The following ICA1 variants were observed in gnomAD, a reference collection of about 807,000 sequenced individuals.
ICA1 encodes the protein 69 kDa islet cell autoantigen.
In ICA1, 40 loss-of-function variants were observed where a neutral mutation model predicts 71.0. That is an observed-to-expected ratio of 0.56 (90% CI 0.44 to 0.73). ICA1 has a LOEUF of 0.73. Among genes scored for constraint, ICA1 ranks in the 30% least tolerant of loss-of-function variants. The pLI is 0.00. For missense variants in ICA1, 578 were observed against 576.5 expected, an observed-to-expected ratio of 1.00 and a Z score of -0.03; for synonymous variants, 207 against 209.5, an observed-to-expected ratio of 0.99 and a Z score of 0.10.
At chr7:8,141,649 T>C (rs6972883) in intron 10 of ICA1, 116 bp downstream of exon 10, 15,950 of 639,926 alleles carry the variant, frequency 0.025, 970 homozygotes, top group African/African-American at 0.19. Context: ...AATTAGCCTT[T>C]TCTCAGTTGA....
chr7:8,137,194 T>C (rs1793725719), intron 12 of ICA1, among the ~76,000 whole-genome samples: 1 of 152,138 alleles, frequency 6.6e-6, no homozygotes, highest in Non-Finnish European at 1.5e-5. Context: ...TGAGGATTCT[T>C]TTACTGTGTA....
chr7:8,224,371 C>T (rs1242527053), intron 4 of ICA1, among the ~76,000 whole-genome samples: 1 of 151,670 alleles, frequency 6.6e-6, no homozygotes, highest in Non-Finnish European at 1.5e-5. Flanking sequence ...CAGATCACGT[C>T]CTATGTATAA....
rs192973168 is a variant in ICA1 at position 8,190,734 on chromosome 7, T to G, written c.579+27571A>C. 2.7e-4 allele frequency among the ~76,000 whole-genome samples: 41 copies of G among 152,328 alleles called. No homozygotes were observed. The East Asian group carries it at 7.7e-3, about 29-fold the overall frequency. On this transcript the variant is annotated intron_variant, in intron 6 of 13. Coordinates refer to ENST00000402384, the MANE Select transcript of ICA1 (RefSeq NM_001136020.3). ...GTTTTTAGCCACCATAAGTTTGTCA[T>G]TAGAATGGAGGTTTTTGGATCAACA...
chr7:8,230,773 C>T (rs1800027556), intron 3 of ICA1, among the ~76,000 whole-genome samples: 2 of 152,162 alleles, frequency 1.3e-5, no homozygotes, highest in Admixed American at 1.3e-4. Context: ...TTCTACTTTC[C>T]TCCATTGCAG....
chr7:8,156,027 T>C (rs549919329), intron 8 of ICA1, among the ~76,000 whole-genome samples: 135 of 152,160 alleles, frequency 8.9e-4, no homozygotes, highest in Non-Finnish European at 1.0e-3. Flanking sequence ...CTAGTGCCAA[T>C]CAATGGGCGG....
intron 1 of ICA1, among the ~76,000 whole-genome samples, chr7:8,259,883 G>A (rs756788324): frequency 1.1e-4 from 16 of 152,184 alleles, no homozygotes; most frequent in African/African-American, 1.7e-4. Context: ...GGCAGATTGC[G>A]AATGGTGGTG....
chr7:8,189,454 G>A lies in ICA1; in HGVS notation c.579+28851C>T, dbSNP rs752928665. ...CACAGGCGGATTCTTTCGCCTCCTC[G>A]CTCTGCTAGGGGCATGAAGACAGAA... On this transcript the variant is annotated intron_variant, in intron 6 of 13. Transcript: ENST00000402384. Among the ~76,000 whole-genome samples the A allele has an allele frequency of 2.9e-4, 44 of 152,178 alleles. 1 individual carries two copies. The highest frequency in any genetic ancestry group is 5.3e-4 in the Non-Finnish European group (36 of 68,038).
intron 6 of ICA1, among the ~76,000 whole-genome samples, chr7:8,171,671 C>CT (rs1201957666): frequency 1.3e-5 from 2 of 150,766 alleles, no homozygotes. Flanking sequence ...TTAATTTGTT[C>CT]TTTTTTCCTA....
chr7:8,206,755 A>AAT (rs1491448368), intron 6 of ICA1, among the ~76,000 whole-genome samples: 21 of 147,536 alleles, frequency 1.4e-4, no homozygotes, highest in African/African-American at 5.3e-4. Flanking sequence ...AAAAAAAAAA[A>AAT]GAAAGAGAAC....
intron 6 of ICA1, among the ~76,000 whole-genome samples, chr7:8,169,077 C>G (rs1460244685): frequency 6.6e-6 from 1 of 152,104 alleles, no homozygotes; most frequent in Non-Finnish European, 1.5e-5. Flanking sequence ...TTATATTTGT[C>G]TTTCTACAGT....
rs1799366512 is a variant in ICA1, at chr7:8,228,670, A to T, written c.187T>A (p.Phe63Ile). 7.5e-6 allele frequency: 12 copies of T among 1,595,412 alleles called. No individual in the cohort carries two copies. Among genetic ancestry groups the T allele is most frequent in the Non-Finnish European group, 1.0e-5 (12 of 1,169,534 alleles). Residue 63 changes from phenylalanine to isoleucine, a missense_variant, in exon 4 of 14, where the codon TTT becomes ATT. By Grantham distance (21) the Phe-to-Ile change is conservative (BLOSUM62 0). Transcript: ENST00000402384. ...DADLDAKLEL[F>I]HSIQRTCLDL... ...AGACAGGTTCTCTGAATTGAATGAA[A>T]CAGCTGTAATAAAAATACAAACAAA...
chr7:8,138,109 GGCTAT>G (rs1794029613), intron 12 of ICA1, among the ~76,000 whole-genome samples: 1 of 152,168 alleles, frequency 6.6e-6, no homozygotes, highest in Admixed American at 6.5e-5. Context: ...GGAGAGCTAA[GGCTAT>G]AATTAGGCTG....
At chr7:8,159,772 T>G (rs926246821) in intron 6 of ICA1, among the ~76,000 whole-genome samples, 2 of 152,070 alleles carry the variant, frequency 1.3e-5, no homozygotes, top group Non-Finnish European at 2.9e-5. Context: ...AATTACACCC[T>G]CCTTCAATCT....
intron 6 of ICA1, among the ~76,000 whole-genome samples, chr7:8,190,153 A>G (rs1785128118): frequency 1.3e-5 from 2 of 152,130 alleles, no homozygotes; most frequent in South Asian, 4.1e-4. Flanking sequence ...AATAATGATA[A>G]TAACAGGGTA....
chr7:8,194,420 G>A (rs1446969575), intron 6 of ICA1, among the ~76,000 whole-genome samples: 1 of 152,098 alleles, frequency 6.6e-6, no homozygotes, highest in African/African-American at 2.4e-5. Context: ...TTTTTATGAA[G>A]CCAACAGTTT....
chr7:8,227,097 A>G (rs1294435166), intron 4 of ICA1, among the ~76,000 whole-genome samples: 1 of 152,214 alleles, frequency 6.6e-6, no homozygotes, highest in African/African-American at 2.4e-5. Context: ...GTTTTCTACC[A>G]TAACAATGAA....
rs527611190 is a variant in ICA1, at chr7:8,132,433, CT to C, written c.1061-4292del. ...TTCTTCTTCCTTCCACAACCACATA[CT>C]CTACTTTGGCTCTACTCTTTTCTCA... On this transcript the variant is annotated intron_variant, in intron 12 of 13. Coordinates refer to ENST00000402384, the MANE Select transcript of ICA1 (RefSeq NM_001136020.3). The surrounding 1 kb of genome is among the most constrained non-coding windows in gnomAD (Gnocchi z 4.5). Among the ~76,000 whole-genome samples, 57 of 152,340 alleles carry C rather than the reference CT, an allele frequency of 3.7e-4. No homozygotes were observed. Among genetic ancestry groups the C allele is most frequent in the Non-Finnish European group, 6.6e-4 (45 of 68,026 alleles).
chr7:8,200,232 C>A (rs1273339334), intron 6 of ICA1, among the ~76,000 whole-genome samples: 1 of 144,784 alleles, frequency 6.9e-6, no homozygotes, highest in Non-Finnish European at 1.5e-5. Flanking sequence ...TTAAAAAGTA[C>A]ATCAACTGAA....
chr7:8,195,900 C>T (rs1467812030), intron 6 of ICA1, among the ~76,000 whole-genome samples: 1 of 152,152 alleles, frequency 6.6e-6, no homozygotes, highest in Non-Finnish European at 1.5e-5. Flanking sequence ...ATTGCTTGAA[C>T]CCAGGAGGAA....
Sources: gnomAD v4.1 joint callset for allele counts (sites outside exome capture counted in the v4.1 genomes callset) on GRCh38, gnomAD v4.1.1 for gene constraint, Gnocchi (gnomAD v3.1) non-coding constraint, MANE v1.5 for transcripts, NCBI Gene and HGNC (gene_info 2026-07-23, HGNC 2026-07-21) for gene names.